MGAT4C: variants seen among roughly 807,000 people sequenced by gnomAD.
MGAT4C encodes the protein MGAT4 family member C.
Under a neutral mutation model 40.1 loss-of-function variants are expected in MGAT4C, and 19 were observed. That is an observed-to-expected ratio of 0.47 (90% CI 0.33 to 0.70). The LOEUF (loss-of-function observed/expected upper bound fraction) is 0.70. MGAT4C is among the 30% of genes least tolerant of loss of function. The pLI is 0.02. For synonymous variants in MGAT4C, 181 were observed against 187.1 expected, an observed-to-expected ratio of 0.97 and a Z score of 0.27; for missense variants, 491 against 563.2, an observed-to-expected ratio of 0.87 and a Z score of 1.30.
chr12:86,130,664 AT>A (rs544555052), intron 1 of MGAT4C, among the ~76,000 whole-genome samples: 565 of 151,858 alleles, frequency 3.7e-3, no homozygotes, highest in African/African-American at 0.013. Context: ...GTTTTCAATG[AT>A]TTTTTTTCTG....
At chr12:86,624,122 A>G (rs1326529656) in intron 2 of MGAT4C, among the ~76,000 whole-genome samples, 2 of 152,208 alleles carry the variant, frequency 1.3e-5, no homozygotes, top group Non-Finnish European at 2.9e-5. Flanking sequence ...GTTGAAAATA[A>G]TTAGTGGTAA....
intron 1 of MGAT4C, among the ~76,000 whole-genome samples, chr12:86,828,294 A>G (rs986451725): frequency 3.3e-5 from 5 of 151,046 alleles, no homozygotes; most frequent in African/African-American, 4.8e-5. Context: ...TAACTATATT[A>G]TATGTTTATC....
chr12:86,602,816 G>A (rs1436849931), intron 2 of MGAT4C, among the ~76,000 whole-genome samples: 2 of 151,800 alleles, frequency 1.3e-5, no homozygotes, highest in African/African-American at 2.4e-5. Context: ...ATTACCATAC[G>A]ATGCAACAAT....
chr12:86,533,625 ATAC>A (rs749026275), intron 2 of MGAT4C, among the ~76,000 whole-genome samples: 12 of 151,620 alleles, frequency 7.9e-5, no homozygotes, highest in Admixed American at 4.0e-4. Flanking sequence ...TATGTACTAT[ATAC>A]TACTATATAC....
At chr12:86,603,599 G>T (rs1961905842) in intron 2 of MGAT4C, among the ~76,000 whole-genome samples, 1 of 119,532 alleles carries the variant, frequency 8.4e-6, no homozygotes, top group Admixed American at 9.2e-5. Context: ...ATAGTCTATA[G>T]ACTATAGATA....
intron 2 of MGAT4C, among the ~76,000 whole-genome samples, chr12:86,667,289 T>C (rs1251829335): frequency 6.6e-6 from 1 of 152,184 alleles, no homozygotes; most frequent in Non-Finnish European, 1.5e-5. Flanking sequence ...AACATGCTTG[T>C]CACCTAGCAG....
At chr12:86,568,045 G>A (rs1393060364) in intron 2 of MGAT4C, among the ~76,000 whole-genome samples, 2 of 152,080 alleles carry the variant, frequency 1.3e-5, no homozygotes, top group African/African-American at 4.8e-5. Context: ...ATGTATATGG[G>A]TTCACGTTGA....
chr12:86,752,395 C>T (rs745515690), intron 1 of MGAT4C, among the ~76,000 whole-genome samples: 3 of 151,978 alleles, frequency 2.0e-5, no homozygotes, highest in Non-Finnish European at 4.4e-5. Context: ...GACTTAAAAT[C>T]AGATAACACT....
intron 1 of MGAT4C, among the ~76,000 whole-genome samples, chr12:86,730,016 T>A (rs138991147): frequency 0.019 from 2,929 of 152,186 alleles, 43 homozygotes; most frequent in Middle Eastern, 0.041. Context: ...GAAAAATAAA[T>A]CATGTGCTGT....
chr12:86,702,994 GT>G (rs926035920), intron 2 of MGAT4C, among the ~76,000 whole-genome samples: 3 of 152,242 alleles, frequency 2.0e-5, no homozygotes, highest in Admixed American at 2.0e-4. Flanking sequence ...ATGAATAGGA[GT>G]TTGAAATAAG....
intron 1 of MGAT4C, among the ~76,000 whole-genome samples, chr12:86,102,984 T>C (rs1875392483): frequency 6.6e-6 from 1 of 152,166 alleles, no homozygotes. Context: ...TAATAAAGTA[T>C]TTATAAAAAG....
At chr12:86,823,207 T>C (rs1952736290) in intron 1 of MGAT4C, among the ~76,000 whole-genome samples, 1 of 147,158 alleles carries the variant, frequency 6.8e-6, no homozygotes, top group East Asian at 2.0e-4. Flanking sequence ...ATTGCACATT[T>C]CAAGGAACAA....
At chr12:86,149,568 G>A (rs1884008378) in intron 1 of MGAT4C, among the ~76,000 whole-genome samples, 1 of 152,090 alleles carries the variant, frequency 6.6e-6, no homozygotes, top group African/African-American at 2.4e-5. Context: ...ACAGCGCCTA[G>A]TAACATTTAG....
At chr12:86,272,811 C>T (rs1952982659) in intron 4 of MGAT4C, among the ~76,000 whole-genome samples, 1 of 151,970 alleles carries the variant, frequency 6.6e-6, no homozygotes, top group Admixed American at 6.6e-5. Flanking sequence ...AGTGATCATG[C>T]CAACACACTC....
intron 2 of MGAT4C, among the ~76,000 whole-genome samples, chr12:86,483,361 CTCT>C (rs1957967145): frequency 6.6e-6 from 1 of 152,052 alleles, no homozygotes; most frequent in Admixed American, 6.6e-5. Context: ...GATATAATTC[CTCT>C]TTATAGAGGC....
intron 2 of MGAT4C, among the ~76,000 whole-genome samples, chr12:86,700,992 A>G (rs1950352255): frequency 6.6e-6 from 1 of 152,152 alleles, no homozygotes; most frequent in Non-Finnish European, 1.5e-5. Context: ...ATGCAATAAG[A>G]AAAAATATAT....
intron 2 of MGAT4C, among the ~76,000 whole-genome samples, chr12:86,617,306 A>G (rs925547222): frequency 6.6e-6 from 1 of 152,204 alleles, no homozygotes; most frequent in African/African-American, 2.4e-5. Context: ...TATTTGAGTA[A>G]CTTGCTTTAT....
intron 4 of MGAT4C, among the ~76,000 whole-genome samples, chr12:86,264,524 G>C (rs1014102184): frequency 6.6e-6 from 1 of 152,154 alleles, no homozygotes; most frequent in African/African-American, 2.4e-5. Context: ...CAAGGAACAG[G>C]TGGAAGTCCC....
At chr12:86,721,910 C>G (rs769002751) in intron 2 of MGAT4C, among the ~76,000 whole-genome samples, 6 of 151,976 alleles carry the variant, frequency 3.9e-5, no homozygotes, top group Non-Finnish European at 8.8e-5. Flanking sequence ...ACATTTGATG[C>G]AGGTAGAATG....
Sources: allele counts gnomAD v4.1 joint callset (sites outside exome capture counted in the v4.1 genomes callset), GRCh38; gene constraint gnomAD v4.1.1; transcripts MANE v1.5; gene names NCBI Gene and HGNC (gene_info 2026-07-23, HGNC 2026-07-21).